The following EPHA5 variants were observed in gnomAD, a reference collection of about 807,000 sequenced individuals.
EPHA5 encodes ephrin type-A receptor 5.
Under a neutral mutation model 105.0 loss-of-function variants are expected in EPHA5, and 60 were observed. The ratio of observed to expected loss-of-function variants is 0.57; its 90% CI spans 0.46 to 0.71. The LOEUF is 0.71. Among genes scored for constraint, EPHA5 ranks in the 30% least tolerant of loss-of-function variants. The pLI is 0.00. For synonymous variants in EPHA5, 513 were observed against 449.1 expected (o/e 1.14, Z -1.80); for missense variants, 1,218 against 1,274.7 (o/e 0.96, Z 0.68).
At chr4:65,378,657 C>A (rs192881910) in intron 8 of EPHA5, among the ~76,000 whole-genome samples, 13 of 151,968 alleles carry the variant, frequency 8.6e-5, no homozygotes, top group African/African-American at 3.1e-4. Flanking sequence ...GGAGTTGGGG[C>A]AGAGAATGTA....
At chr4:65,604,743 C>G (rs2149446200) in intron 2 of EPHA5, among the ~76,000 whole-genome samples, 1 of 148,970 alleles carries the variant, frequency 6.7e-6, no homozygotes, top group South Asian at 2.1e-4. Context: ...AAAAAAAAAC[C>G]AAGAGGATGA....
At chr4:65,448,954 T>G (rs1223966728) in intron 5 of EPHA5, among the ~76,000 whole-genome samples, 1 of 152,128 alleles carries the variant, frequency 6.6e-6, no homozygotes, top group Non-Finnish European at 1.5e-5. Context: ...TGACCATATC[T>G]TTATATCACA....
intron 3 of EPHA5, among the ~76,000 whole-genome samples, chr4:65,552,689 A>G (rs916404751): frequency 4.6e-5 from 7 of 152,162 alleles, no homozygotes; most frequent in African/African-American, 1.7e-4. Context: ...TCAGGTCACA[A>G]CATTATTTAA....
chr4:65,529,730 G>A (rs926755118), intron 3 of EPHA5, among the ~76,000 whole-genome samples: 4 of 152,024 alleles, frequency 2.6e-5, no homozygotes, highest in Admixed American at 6.6e-5. Flanking sequence ...TGACATGAAC[G>A]TATATAACTC....
At chr4:65,458,568 A>G (rs545371592) in intron 5 of EPHA5, among the ~76,000 whole-genome samples, 2 of 152,230 alleles carry the variant, frequency 1.3e-5, no homozygotes, top group African/African-American at 4.8e-5. Flanking sequence ...CTTAATGTTC[A>G]CATTAATTTA....
rs1734436103 is a variant in EPHA5, at chr4:65,519,327, G to A, written c.911-23784C>T. ...AAAAGGCCTTTGACAAAATTCAGCA[G>A]CCCTTCATGCCAAAAACTCTCAATA... On this transcript the variant is annotated intron_variant, in intron 3 of 16. Transcript: ENST00000613740. Among the ~76,000 whole-genome samples the A allele has an allele frequency of 2.6e-5, 4 of 152,060 alleles. No individual in the cohort carries two copies. In the South Asian group the frequency reaches 8.3e-4, roughly 31 times the overall value.
chr4:65,359,939 G>A (rs999977160), intron 11 of EPHA5, among the ~76,000 whole-genome samples: 4 of 151,464 alleles, frequency 2.6e-5, no homozygotes, highest in Non-Finnish European at 4.4e-5. Context: ...CTACTACATC[G>A]TTAATCTAAA....
chr4:65,468,557 T>A (rs1431891113), intron 5 of EPHA5, among the ~76,000 whole-genome samples: 1 of 61,772 alleles, frequency 1.6e-5, no homozygotes, highest in Non-Finnish European at 2.9e-5. Flanking sequence ...ATAATATATA[T>A]ATTATATATT....
chr4:65,489,526 G>T (rs1170069488), intron 5 of EPHA5, among the ~76,000 whole-genome samples: 2 of 152,136 alleles, frequency 1.3e-5, no homozygotes, highest in Non-Finnish European at 1.5e-5. Flanking sequence ...CAACTTTTTG[G>T]CTTTAATGCC....
At chr4:65,463,756 C>G (rs1728343143) in intron 5 of EPHA5, among the ~76,000 whole-genome samples, 1 of 152,050 alleles carries the variant, frequency 6.6e-6, no homozygotes, top group South Asian at 2.1e-4. Context: ...TATTTTTTTG[C>G]ACAATATTTC....
chr4:65,459,953 A>T (rs1467015156), intron 5 of EPHA5, among the ~76,000 whole-genome samples: 2 of 151,792 alleles, frequency 1.3e-5, no homozygotes, highest in East Asian at 3.9e-4. Flanking sequence ...AATGTGTACT[A>T]GTGCTAATGC....
intron 3 of EPHA5, among the ~76,000 whole-genome samples, chr4:65,509,707 C>A (rs1355990012): frequency 6.6e-6 from 1 of 152,136 alleles, no homozygotes; most frequent in Non-Finnish European, 1.5e-5. Context: ...ATACCAGTAG[C>A]CACATTAATA....
At chr4:65,391,610 G>C (rs1168615415) in intron 8 of EPHA5, among the ~76,000 whole-genome samples, 1 of 152,092 alleles carries the variant, frequency 6.6e-6, no homozygotes, top group Non-Finnish European at 1.5e-5. Flanking sequence ...CTGGGTATCA[G>C]GTTCCTGTGA....
intron 7 of EPHA5, among the ~76,000 whole-genome samples, chr4:65,408,213 T>C (rs1208746848): frequency 2.6e-5 from 4 of 152,088 alleles, no homozygotes; most frequent in African/African-American, 9.7e-5. Flanking sequence ...TTCATGCTTG[T>C]TGGTTTGTTT....
chr4:65,616,904 T>C (rs942841142), intron 2 of EPHA5, among the ~76,000 whole-genome samples: 1 of 152,070 alleles, frequency 6.6e-6, no homozygotes, highest in Non-Finnish European at 1.5e-5. Flanking sequence ...GGTTTATCTA[T>C]TTGCAAGATA....
At chr4:65,582,076 G>A (rs1033208696) in intron 3 of EPHA5, among the ~76,000 whole-genome samples, 7 of 151,578 alleles carry the variant, frequency 4.6e-5, no homozygotes, top group South Asian at 2.1e-4. Context: ...AATCCCTCAG[G>A]AGCTGGGTTG....
At chr4:65,427,720 C>T (rs948558963) in intron 5 of EPHA5, among the ~76,000 whole-genome samples, 1 of 152,108 alleles carries the variant, frequency 6.6e-6, no homozygotes, top group Non-Finnish European at 1.5e-5. Flanking sequence ...TGGGAAATTA[C>T]AAAACCTACA....
chr4:65,473,107 G>T (rs1729449051), intron 5 of EPHA5, among the ~76,000 whole-genome samples: 1 of 152,060 alleles, frequency 6.6e-6, no homozygotes, highest in African/African-American at 2.4e-5. Flanking sequence ...CTTTTCTCCA[G>T]TTCCCAACAA....
chr4:65,624,969 A>T lies in EPHA5; in HGVS notation c.246+18394T>A, dbSNP rs185683270. Among the ~76,000 whole-genome samples, 128 of 152,330 alleles carry T rather than the reference A, an allele frequency of 8.4e-4. 1 individual carries two copies. The highest frequency in any genetic ancestry group is 7.2e-3 in the Admixed American group (110 of 15,302). ...GTGAGTGCTAGTGTTAAAAAGATAAATGTATTAAAAATAAAACAACAACCA... is the reference window on the plus strand; with the variant it reads ...GTGAGTGCTAGTGTTAAAAAGATAATTGTATTAAAAATAAAACAACAACCA... On this transcript the variant is annotated intron_variant, in intron 2 of 16. Coordinates refer to ENST00000613740, the MANE Select transcript of EPHA5 (RefSeq NM_001281766.3).
Sources: gnomAD v4.1 joint callset for allele counts (sites outside exome capture counted in the v4.1 genomes callset) on GRCh38, gnomAD v4.1.1 for gene constraint, MANE v1.5 for transcripts, NCBI Gene and HGNC (gene_info 2026-07-23, HGNC 2026-07-21) for gene names.